PINX1: variants seen among roughly 807,000 people sequenced by gnomAD.
PINX1 encodes the protein PIN2 (TERF1) interacting telomerase inhibitor 1.
A neutral mutation model predicts 25.4 loss-of-function variants in PINX1; 34 were observed. That is an observed-to-expected ratio of 1.34 (90% CI 1.02 to 1.78). PINX1 has a LOEUF of 1.78. Ranked by LOEUF, PINX1 falls within the 40% of genes most tolerant of loss-of-function variation. PINX1 has a pLI of 0.00. For missense variants in PINX1, 592 were observed against 404.9 expected, an observed-to-expected ratio of 1.46 and a Z score of -3.97; for synonymous variants, 197 against 147.7, an observed-to-expected ratio of 1.33 and a Z score of -2.42.
chr8:10,806,448 T>G (rs77291993), intron 6 of PINX1, among the ~76,000 whole-genome samples: 35,904 of 152,088 alleles, frequency 0.24, 4,361 homozygotes, highest in East Asian at 0.35. Flanking sequence ...TGATGCCAGG[T>G]CTAAGATTTG....
At chr8:10,766,253 GTGT>G (rs570039132) in intron 6 of PINX1, among the ~76,000 whole-genome samples, 6 of 152,354 alleles carry the variant, frequency 3.9e-5, no homozygotes, top group African/African-American at 1.4e-4. Flanking sequence ...CTAGAAACAA[GTGT>G]TGTGGTGACT....
At chr8:10,819,219 C>G (rs1027790129) in intron 6 of PINX1, among the ~76,000 whole-genome samples, 1 of 152,228 alleles carries the variant, frequency 6.6e-6, no homozygotes, top group Admixed American at 6.5e-5. Context: ...TCTAATGAGA[C>G]TTCTAACCAC....
intron 6 of PINX1, among the ~76,000 whole-genome samples, chr8:10,808,008 G>GA (rs1802509828): frequency 2.0e-5 from 3 of 149,418 alleles, no homozygotes; most frequent in South Asian, 4.5e-4. Flanking sequence ...AGTCTAGAGG[G>GA]AAAAAACAAA....
At chr8:10,784,374 A>T (rs567588454) in intron 6 of PINX1, among the ~76,000 whole-genome samples, 1 of 152,364 alleles carries the variant, frequency 6.6e-6, no homozygotes, top group East Asian at 1.9e-4. Flanking sequence ...CAATTTGGGA[A>T]TCGGAATTCG....
intron 6 of PINX1, among the ~76,000 whole-genome samples, chr8:10,795,170 T>C (rs1256142364): frequency 6.6e-6 from 1 of 152,208 alleles, no homozygotes; most frequent in Non-Finnish European, 1.5e-5. Flanking sequence ...GTGAAAATCC[T>C]AATATCGAAG....
At chr8:10,802,412 C>G (rs1016349610) in intron 6 of PINX1, among the ~76,000 whole-genome samples, 2 of 152,216 alleles carry the variant, frequency 1.3e-5, no homozygotes, top group African/African-American at 4.8e-5. Context: ...ACAACCTGCA[C>G]TCTGGAGACA....
intron 6 of PINX1, among the ~76,000 whole-genome samples, chr8:10,809,130 G>A (rs1218371777): frequency 1.3e-5 from 2 of 152,122 alleles, no homozygotes; most frequent in East Asian, 3.9e-4. Flanking sequence ...CTCTAATGGC[G>A]ACACATTAAA....
At chr8:10,825,693 C>A (rs749191248) in intron 5 of PINX1, among the ~76,000 whole-genome samples, 30 of 152,298 alleles carry the variant, frequency 2.0e-4, no homozygotes, top group Non-Finnish European at 3.7e-4. Context: ...AATAAAGGGT[C>A]AACCAGGGAG....
At chr8:10,824,309 G>A (rs542826982) in intron 5 of PINX1, among the ~76,000 whole-genome samples, 5 of 152,314 alleles carry the variant, frequency 3.3e-5, no homozygotes, top group African/African-American at 7.2e-5. Flanking sequence ...AGTGTGCACC[G>A]TGATTGGAAA....
Position 10,818,496 on chromosome 8 carries a change from A to C in PINX1, c.471+1697T>G, listed in dbSNP as rs969356472. ...CTGCACCAAACACATAAATTCTCTT[A>C]AAGTTCTACAAAAGCCCACAAGTAA... is the stretch of plus-strand genomic sequence containing the variant. On this transcript the variant is annotated intron_variant, in intron 6 of 6. Transcript: ENST00000314787. Among the ~76,000 whole-genome samples the C allele has an allele frequency of 7.2e-5, 11 of 152,294 alleles. No homozygotes were observed. In the East Asian group the frequency reaches 1.9e-3, roughly 27 times the overall value.
At chr8:10,825,556 T>A (rs957650244) in intron 5 of PINX1, 5 of 482,984 alleles carry the variant, frequency 1.0e-5, no homozygotes, top group African/African-American at 5.9e-5. Context: ...TGATTTCACA[T>A]ACTGGGAAGG....
At chr8:10,772,326 T>A (rs1425002527) in intron 6 of PINX1, among the ~76,000 whole-genome samples, 1 of 152,204 alleles carries the variant, frequency 6.6e-6, no homozygotes, top group Non-Finnish European at 1.5e-5. Flanking sequence ...TTGAAATGGG[T>A]TTGCCACTGA....
intron 4 of PINX1, 50 bp downstream of exon 4, chr8:10,831,615 A>T (rs1250321557): frequency 5.2e-6 from 6 of 1,156,916 alleles, no homozygotes; most frequent in Non-Finnish European, 7.7e-6. Context: ...AAAAACAAAA[A>T]GTAGATAAAC....
chr8:10,779,093 C>G (rs974115691), intron 6 of PINX1, among the ~76,000 whole-genome samples: 1 of 152,190 alleles, frequency 6.6e-6, no homozygotes, highest in African/African-American at 2.4e-5. Context: ...AATAACATAT[C>G]CTAAATGATG....
chr8:10,793,028 C>T (rs1431312549), intron 6 of PINX1, among the ~76,000 whole-genome samples: 1 of 152,114 alleles, frequency 6.6e-6, no homozygotes, highest in Non-Finnish European at 1.5e-5. Context: ...TCCAAATGAA[C>T]GTGTTTCCCG....
At chr8:10,824,564 A>C (rs1797979260) in intron 5 of PINX1, among the ~76,000 whole-genome samples, 1 of 152,212 alleles carries the variant, frequency 6.6e-6, no homozygotes, top group African/African-American at 2.4e-5. Context: ...GCGGTCTCAC[A>C]GGGTCACCCA....
intron 6 of PINX1, among the ~76,000 whole-genome samples, chr8:10,800,172 G>C (rs1802221656): frequency 6.6e-6 from 1 of 152,054 alleles, no homozygotes; most frequent in Non-Finnish European, 1.5e-5. Context: ...TGAGACCTTG[G>C]GTGCAGGAAT....
intron 3 of PINX1, among the ~76,000 whole-genome samples, chr8:10,832,134 T>C (rs879930518): frequency 1.3e-5 from 2 of 151,862 alleles, no homozygotes; most frequent in Non-Finnish European, 2.9e-5. Flanking sequence ...GACAAAAAAA[T>C]GCTCTTCTTT....
intron 1 of PINX1, among the ~76,000 whole-genome samples, chr8:10,839,133 TCCA>T (rs1386533527): frequency 6.6e-6 from 1 of 152,104 alleles, no homozygotes; most frequent in Non-Finnish European, 1.5e-5. Context: ...TTTCACCGAC[TCCA>T]CCAAGTGAAG....
Sources: gnomAD v4.1 joint callset for allele counts (sites outside exome capture counted in the v4.1 genomes callset) on GRCh38, gnomAD v4.1.1 for gene constraint, MANE v1.5 for transcripts, NCBI Gene and HGNC (gene_info 2026-07-23, HGNC 2026-07-21) for gene names.